Variants in ROR1 observed in about 807,000 individuals in gnomAD.
The protein encoded by ROR1 is inactive tyrosine-protein kinase transmembrane receptor ROR1.
Under a neutral mutation model 78.8 loss-of-function variants are expected in ROR1, and 19 were observed. That is an observed-to-expected ratio of 0.24 (90% CI 0.17 to 0.35). The LOEUF (loss-of-function observed/expected upper bound fraction) is 0.35, where lower values mean the gene tolerates loss of function less well. ROR1 is among the 10% of genes least tolerant of loss of function. ROR1 has a pLI of 1.00. For missense variants in ROR1, 917 were observed against 1,177.8 expected (o/e 0.78, Z 3.24); for synonymous variants, 386 against 433.6 (o/e 0.89, Z 1.36).
intron 1 of ROR1, among the ~76,000 whole-genome samples, chr1:63,942,977 C>T (rs1188471499): frequency 6.6e-6 from 1 of 151,460 alleles, no homozygotes; most frequent in Non-Finnish European, 1.5e-5. Flanking sequence ...ATTGTCCCAG[C>T]TACTCAGGAG....
At position 64,177,483 on chromosome 1, in the gene ROR1, A is replaced by C; in HGVS notation, c.1442A>C (p.Glu481Ala). The C allele has an allele frequency of 6.2e-7, 1 of 1,614,170 alleles. No homozygotes were observed. Among genetic ancestry groups the C allele is most frequent in the Non-Finnish European group, 8.5e-7 (1 of 1,180,026 alleles). Residue 481 changes from glutamate to alanine, a missense_variant, in exon 9 of 9, where the codon GAG becomes GCG. Glu to Ala is a moderately radical substitution (Grantham distance 107). Around this residue, in one of 3 missense-constraint regions of ROR1, gnomAD observed 835 missense variants for 1,069.8 expected, o/e 0.78. Coordinates refer to ENST00000371079, the MANE Select transcript of ROR1 (RefSeq NM_005012.4). ...SAVRFMEELG[E>A]CAFGKIYKGH... The stretch of plus-strand genomic sequence containing the variant: ...GTACGCTTTATGGAAGAATTGGGTG[A>C]GTGTGCCTTTGGAAAAATCTATAAA...
chr1:63,897,471 T>C (rs939557369), intron 1 of ROR1, among the ~76,000 whole-genome samples: 3 of 152,160 alleles, frequency 2.0e-5, no homozygotes, highest in Non-Finnish European at 2.9e-5. Context: ...GCTTTTCCAC[T>C]TAGTGAAATC....
intron 4 of ROR1, among the ~76,000 whole-genome samples, chr1:64,063,817 G>C (rs528125730): frequency 6.6e-6 from 1 of 152,218 alleles, no homozygotes; most frequent in East Asian, 1.9e-4. Context: ...AGTTAAATCA[G>C]AATCTCTCAG....
intron 1 of ROR1, among the ~76,000 whole-genome samples, chr1:63,962,227 T>TC (rs1346856551): frequency 6.6e-6 from 1 of 152,174 alleles, no homozygotes; most frequent in Non-Finnish European, 1.5e-5. Context: ...ACCACTGGAC[T>TC]CCACCTTGGG....
At chr1:64,177,399 A>C (rs765571751) in intron 8 of ROR1, 29 bp from the exon 9 acceptor site, 3 of 1,556,158 alleles carry the variant, frequency 1.9e-6, no homozygotes, top group South Asian at 2.4e-5. Flanking sequence ...GATATGTTTT[A>C]AACCACGTTT....
rs1646554640 is a variant in ROR1, at chr1:64,020,282, C to T, written c.163+10906C>T. Among the ~76,000 whole-genome samples, 4 of 152,282 alleles carry T rather than the reference C, an allele frequency of 2.6e-5. No homozygotes were observed. The South Asian group carries it at 8.3e-4, about 32-fold the overall frequency. On this transcript the variant is annotated intron_variant, in intron 2 of 8. Transcript: ENST00000371079. ...AAGCAGTGAACCCAGAATTCAAACC[C>T]ATGTTCTTAATCAATATATTATGTT...
At chr1:63,841,089 A>G (rs182836800) in intron 1 of ROR1, among the ~76,000 whole-genome samples, 41 of 152,304 alleles carry the variant, frequency 2.7e-4, no homozygotes, top group African/African-American at 9.9e-4. Context: ...ACTGGCCACC[A>G]TTTTTGATGG....
At chr1:63,948,896 T>C (rs1032237779) in intron 1 of ROR1, among the ~76,000 whole-genome samples, 1 of 152,174 alleles carries the variant, frequency 6.6e-6, no homozygotes, top group African/African-American at 2.4e-5. Context: ...GCTCCAAAAC[T>C]GTGAGATTTA....
At chr1:63,819,970 A>G (rs544101875) in intron 1 of ROR1, among the ~76,000 whole-genome samples, 1 of 152,312 alleles carries the variant, frequency 6.6e-6, no homozygotes, top group East Asian at 1.9e-4. Context: ...TCCAGTTCTG[A>G]AAGTATTTTA....
chr1:63,936,868 G>A (rs1645798174), intron 1 of ROR1, among the ~76,000 whole-genome samples: 1 of 152,190 alleles, frequency 6.6e-6, no homozygotes, highest in Non-Finnish European at 1.5e-5. Flanking sequence ...CCTGAGGGCA[G>A]GGGCCGTCTC....
rs1414634654 is a variant in ROR1, at chr1:64,142,611, G to A, written c.1135G>A (p.Glu379Lys). The change falls in exon 7 of 9, where the codon GAA becomes AAA. Residue 379 changes from glutamate (E) to lysine (K), a missense_variant. Glu to Lys is a moderately conservative substitution (Grantham distance 56, BLOSUM62 1). Transcript: ENST00000371079. The part of the protein sequence containing the change: ...KEAPWCFTLD[E>K]NFKSDLCDIP... The stretch of plus-strand genomic sequence containing the variant: ...AGCTCCCTGGTGCTTCACCTTGGAT[G>A]AAAACTTTAAGTCTGATCTGTGTGA... The A allele has an allele frequency of 5.0e-6, 8 of 1,614,124 alleles. No individual in the cohort carries two copies. In the East Asian group the frequency reaches 1.8e-4, roughly 36 times the overall value.
intron 1 of ROR1, among the ~76,000 whole-genome samples, chr1:63,785,202 A>G (rs1644676616): frequency 6.6e-6 from 1 of 152,240 alleles, no homozygotes; most frequent in Non-Finnish European, 1.5e-5. Context: ...CCTTGCTTCT[A>G]GGATTTCACT....
At chr1:63,948,017 T>C (rs1278615355) in intron 1 of ROR1, among the ~76,000 whole-genome samples, 2 of 152,198 alleles carry the variant, frequency 1.3e-5, no homozygotes, top group East Asian at 1.9e-4. Context: ...TAACACTGCA[T>C]TGGGTACTGC....
At chr1:64,130,973 G>A (rs2762848) in intron 4 of ROR1, among the ~76,000 whole-genome samples, 100,798 of 152,046 alleles carry the variant, frequency 0.66, 34,172 homozygotes, top group East Asian at 0.97. Context: ...TAGGTGGCCC[G>A]ATTCACAAGT....
chr1:63,994,085 A>AT (rs1646317601), intron 1 of ROR1, among the ~76,000 whole-genome samples: 1 of 152,114 alleles, frequency 6.6e-6, no homozygotes, highest in African/African-American at 2.4e-5. Context: ...TTTATATAAC[A>AT]TTTTTTATAT....
At chr1:64,013,020 CTGTGTG>C in intron 2 of ROR1, among the ~76,000 whole-genome samples, 1 of 152,232 alleles carries the variant, frequency 6.6e-6, no homozygotes, top group East Asian at 1.9e-4. Context: ...TATGCGTTTC[CTGTGTG>C]ACTTTTAGCA....
At chr1:63,828,480 C>A (rs551472635) in intron 1 of ROR1, among the ~76,000 whole-genome samples, 1 of 152,252 alleles carries the variant, frequency 6.6e-6, no homozygotes, top group East Asian at 1.9e-4. Flanking sequence ...TCTTGTTCAT[C>A]CCTGGGAGGC....
intron 4 of ROR1, among the ~76,000 whole-genome samples, chr1:64,068,776 T>C (rs1008028442): frequency 6.6e-6 from 1 of 152,146 alleles, no homozygotes; most frequent in African/African-American, 2.4e-5. Flanking sequence ...CTTTGACAGA[T>C]GTAGGAGATT....
intron 1 of ROR1, among the ~76,000 whole-genome samples, chr1:63,785,173 T>A (rs1389525826): frequency 1.3e-5 from 2 of 152,210 alleles, no homozygotes; most frequent in Admixed American, 6.5e-5. Flanking sequence ...CTACTTTTTC[T>A]CCATAAGAGA....
Sources: allele counts gnomAD v4.1 joint callset (sites outside exome capture counted in the v4.1 genomes callset), GRCh38; gene constraint gnomAD v4.1.1; regional missense constraint gnomAD v4.1.1; transcripts MANE v1.5; gene names NCBI Gene and HGNC (gene_info 2026-07-23, HGNC 2026-07-21).